XYLT1: variants seen among roughly 807,000 people sequenced by gnomAD.
XYLT1 encodes the protein beta-D-xylosyltransferase 1.
XYLT1 carries 36 observed loss-of-function variants against 91.3 expected under a neutral mutation model. The observed-to-expected ratio is 0.39, with a 90% CI of 0.30 to 0.52. XYLT1 has a LOEUF of 0.52. Among genes scored for constraint, XYLT1 ranks in the 20% least tolerant of loss-of-function variants. XYLT1 has a pLI of 0.68. For missense variants in XYLT1, 1,242 were observed against 1,284.5 expected, an observed-to-expected ratio of 0.97 and a Z score of 0.51; for synonymous variants, 588 against 532.0, an observed-to-expected ratio of 1.11 and a Z score of -1.45.
intron 1 of XYLT1, among the ~76,000 whole-genome samples, chr16:17,397,524 G>T (rs2035903408): frequency 6.6e-6 from 1 of 152,094 alleles, no homozygotes; most frequent in South Asian, 2.1e-4. Context: ...CTGTTCTCCA[G>T]ATCACCATGA....
intron 1 of XYLT1, among the ~76,000 whole-genome samples, chr16:17,427,827 G>T (rs1596540449): frequency 6.9e-6 from 1 of 145,014 alleles, no homozygotes; most frequent in Non-Finnish European, 1.5e-5. Flanking sequence ...ATACAAAAAG[G>T]TTTTTTTTTT....
intron 2 of XYLT1, among the ~76,000 whole-genome samples, chr16:17,331,956 C>T (rs919260601): frequency 2.0e-5 from 3 of 152,232 alleles, no homozygotes; most frequent in Non-Finnish European, 2.9e-5. Flanking sequence ...CAGTGCCTGC[C>T]TATCCCTGGA....
At chr16:17,282,681 GA>G (rs1358995907) in intron 2 of XYLT1, among the ~76,000 whole-genome samples, 9 of 152,216 alleles carry the variant, frequency 5.9e-5, no homozygotes, top group Non-Finnish European at 1.0e-4. Context: ...GTGAAAATGA[GA>G]ACCTCCCAGG....
At chr16:17,443,709 A>G (rs1348722938) in intron 1 of XYLT1, among the ~76,000 whole-genome samples, 1 of 152,200 alleles carries the variant, frequency 6.6e-6, no homozygotes, top group Admixed American at 6.5e-5. Flanking sequence ...TGATACAACT[A>G]ATCACCTAAC....
chr16:17,153,517 C>T (rs1316738274), intron 6 of XYLT1, among the ~76,000 whole-genome samples: 2 of 152,184 alleles, frequency 1.3e-5, no homozygotes, highest in African/African-American at 2.4e-5. Context: ...TGGCCTTAAG[C>T]GATCCTCCTA....
At chr16:17,195,102 C>T (rs185138450) in intron 5 of XYLT1, among the ~76,000 whole-genome samples, 1 of 152,320 alleles carries the variant, frequency 6.6e-6, no homozygotes, top group East Asian at 1.9e-4. Flanking sequence ...AATTTTAGCT[C>T]CCAGAGGTCA....
At chr16:17,417,158 T>C (rs574231436) in intron 1 of XYLT1, among the ~76,000 whole-genome samples, 12 of 152,280 alleles carry the variant, frequency 7.9e-5, no homozygotes, top group Admixed American at 4.6e-4. Context: ...GCTTTTTCCA[T>C]TGACTCACAG....
chr16:17,138,675 G>GCTTCCTGTACA, intron 7 of XYLT1, 144 bp from the exon 8 acceptor site: 1 of 928,500 alleles, frequency 1.1e-6, no homozygotes, highest in East Asian at 2.7e-5. Flanking sequence ...AAGCTGGGCG[G>GCTTCCTGTACA]CTTCCTGTAC....
chr16:17,197,582 C>G (rs2032454998), intron 5 of XYLT1, among the ~76,000 whole-genome samples: 2 of 152,114 alleles, frequency 1.3e-5, no homozygotes, highest in Admixed American at 6.5e-5. Context: ...CAGACCCACT[C>G]TCAGTCTGGG....
intron 8 of XYLT1, among the ~76,000 whole-genome samples, chr16:17,137,886 G>C (rs1399077430): frequency 6.6e-6 from 1 of 152,168 alleles, no homozygotes; most frequent in African/African-American, 2.4e-5. Flanking sequence ...ACCCATGCAT[G>C]GGACAGCATG....
At chr16:17,426,909 T>C (rs920117777) in intron 1 of XYLT1, among the ~76,000 whole-genome samples, 1 of 152,106 alleles carries the variant, frequency 6.6e-6, no homozygotes, top group African/African-American at 2.4e-5. Flanking sequence ...TAAGAAGGTG[T>C]CAGCCATGCA....
chr16:17,320,581 G>A (rs1233638851), intron 2 of XYLT1, among the ~76,000 whole-genome samples: 1 of 149,250 alleles, frequency 6.7e-6, no homozygotes, highest in African/African-American at 2.5e-5. Flanking sequence ...CTGGGTTCAA[G>A]CGATTCTCCT....
At chr16:17,374,032 C>G (rs2035567380) in intron 1 of XYLT1, among the ~76,000 whole-genome samples, 1 of 152,180 alleles carries the variant, frequency 6.6e-6, no homozygotes, top group Non-Finnish European at 1.5e-5. Flanking sequence ...AACACAGGAA[C>G]TTCATCCAGG....
intron 1 of XYLT1, among the ~76,000 whole-genome samples, chr16:17,449,030 C>A (rs931193688): frequency 5.3e-5 from 8 of 152,176 alleles, no homozygotes; most frequent in Non-Finnish European, 1.5e-5. Flanking sequence ...GCACTTCATT[C>A]CACCAACTGA....
chr16:17,329,224 C>T (rs557525072), intron 2 of XYLT1, among the ~76,000 whole-genome samples: 36 of 152,316 alleles, frequency 2.4e-4, no homozygotes, highest in African/African-American at 7.7e-4. Context: ...GCCCATGAGC[C>T]GTAGTTTATC....
chr16:17,383,116 G>C (rs529108381), intron 1 of XYLT1, among the ~76,000 whole-genome samples: 1 of 151,754 alleles, frequency 6.6e-6, no homozygotes, highest in Non-Finnish European at 1.5e-5. Flanking sequence ...CCCATGGAGA[G>C]AGTGAGAAAG....
chr16:17,232,390 T>C (rs1037401117), intron 3 of XYLT1, among the ~76,000 whole-genome samples: 1 of 134,606 alleles, frequency 7.4e-6, no homozygotes, highest in African/African-American at 2.9e-5. Flanking sequence ...CATGACTGTG[T>C]CTGTGTGTCT....
In XYLT1 at chr16:17,127,819, G is replaced by T; in HGVS notation, c.2070C>A (p.Phe690Leu). ...GAAAGCCCTGGAAGCGGTCAGCAAGGAAGTAGAGGTGCACAGATGCTGGGT... is the reference window on the plus strand; with the variant it reads ...GAAAGCCCTGGAAGCGGTCAGCAAGTAAGTAGAGGTGCACAGATGCTGGGT... ...MGHPASVHLY[F>L]LADRFQGFLI... The change falls in exon 10 of 12, where the codon TTC becomes TTA. Residue 690 changes from phenylalanine to leucine, a missense_variant. Phe to Leu is a conservative substitution (Grantham distance 22, BLOSUM62 0). This residue lies in a region of XYLT1 where 511 missense variants were observed against 497.0 expected (regional missense o/e 1.03). Transcript: ENST00000261381. 2.5e-6 allele frequency: 4 copies of T among 1,614,118 alleles called. No individual in the cohort carries two copies. Among genetic ancestry groups the T allele is most frequent in the Non-Finnish European group, 3.4e-6 (4 of 1,180,022 alleles).
At chr16:17,346,488 C>A (rs1385307574) in intron 2 of XYLT1, among the ~76,000 whole-genome samples, 1 of 152,180 alleles carries the variant, frequency 6.6e-6, no homozygotes, top group Non-Finnish European at 1.5e-5. Flanking sequence ...TCCAGCAGCT[C>A]AGAGTGGTTT....
Sources: gnomAD v4.1 joint callset for allele counts (sites outside exome capture counted in the v4.1 genomes callset) on GRCh38, gnomAD v4.1.1 for gene constraint, gnomAD v4.1.1 regional missense constraint, MANE v1.5 for transcripts, NCBI Gene and HGNC (gene_info 2026-07-23, HGNC 2026-07-21) for gene names.